The following CAMK2B variants were observed in gnomAD, a reference collection of about 807,000 sequenced individuals.
CAMK2B encodes calcium/calmodulin-dependent protein kinase type II subunit beta.
A neutral mutation model predicts 93.7 loss-of-function variants in CAMK2B; 27 were observed. The observed-to-expected ratio is 0.29, with a 90% CI of 0.21 to 0.40. The LOEUF is 0.40. CAMK2B is among the 10% of genes least tolerant of loss of function. The pLI is 1.00. For missense variants in CAMK2B, 568 were observed against 895.8 expected, an observed-to-expected ratio of 0.63 and a Z score of 4.67; for synonymous variants, 374 against 358.8, an observed-to-expected ratio of 1.04 and a Z score of -0.48.
intron 11 of CAMK2B, among the ~76,000 whole-genome samples, chr7:44,241,197 A>C (rs1194944006): frequency 6.6e-6 from 1 of 152,108 alleles, no homozygotes; most frequent in African/African-American, 2.4e-5. Flanking sequence ...CCACAAGTAG[A>C]GGGACTGCCA....
intron 11 of CAMK2B, among the ~76,000 whole-genome samples, 191 bp downstream of exon 11, chr7:44,241,508 AG>A (rs1317622986): frequency 1.3e-5 from 2 of 152,222 alleles, no homozygotes; most frequent in African/African-American, 2.4e-5. Context: ...CACCTGGCCC[AG>A]GGCCCCTCTG....
At chr7:44,269,752 C>T (rs540468508) in intron 2 of CAMK2B, among the ~76,000 whole-genome samples, 1 of 152,094 alleles carries the variant, frequency 6.6e-6, no homozygotes, top group African/African-American at 2.4e-5. Flanking sequence ...GCTGCCTCCC[C>T]CTCTCGCCCA....
chr7:44,220,276 T>C lies in CAMK2B; in HGVS notation c.1787A>G (p.Lys596Arg), dbSNP rs749296914. Reference sequence around the variant, plus strand: ...GTTCAGGATGGTCGTGTGGATCGGCTTGCTGTTCTTGGCCAGCACTGTGGA... The same window carrying C: ...GTTCAGGATGGTCGTGTGGATCGGCCTGCTGTTCTTGGCCAGCACTGTGGA... ...YFENLLAKNS[K>R]PIHTTILNPH... Residue 596 changes from lysine to arginine, a missense_variant, in exon 23 of 24, where the codon AAG (lysine) becomes AGG (arginine). This residue lies in a region of CAMK2B where 116 missense variants were observed against 188.0 expected (regional missense o/e 0.62). Coordinates refer to ENST00000395749, the MANE Select transcript of CAMK2B (RefSeq NM_001220.5). 1 of 1,612,448 alleles carries C rather than the reference T, an allele frequency of 6.2e-7. No homozygotes were observed. Among genetic ancestry groups the C allele is most frequent in the Non-Finnish European group, 8.5e-7 (1 of 1,179,764 alleles).
intron 5 of CAMK2B, among the ~76,000 whole-genome samples, chr7:44,250,953 C>T (rs2096774761): frequency 6.6e-6 from 1 of 152,260 alleles, no homozygotes; most frequent in Non-Finnish European, 1.5e-5. Context: ...GACCCTGCTT[C>T]CTCCTAAGAG....
chr7:44,308,146 T>C (rs573748236), intron 1 of CAMK2B, among the ~76,000 whole-genome samples: 4 of 152,334 alleles, frequency 2.6e-5, no homozygotes, highest in African/African-American at 9.6e-5. Flanking sequence ...CACGTTCTTG[T>C]TCTGTTCCCT....
At position 44,284,198 on chromosome 7, in the gene CAMK2B, A is replaced by G. The variant is rs1784458266; in HGVS notation, c.93T>C (p.Cys31=). Residue 31 remains cysteine, a synonymous_variant, in exon 2 of 24, where the codon TGT becomes TGC. Coordinates refer to ENST00000395749, the MANE Select transcript of CAMK2B (RefSeq NM_001220.5). ...GKGAFSVVRR[C]VKLCTGHEYA... ...ACTCATGGCCGGTGCAGAGCTTGAC[A>G]CAGCGTCGGACCACAGAGAAAGCCC... The G allele has an allele frequency of 6.2e-7, 1 of 1,613,486 alleles. No individual in the cohort carries two copies. Among genetic ancestry groups the G allele is most frequent in the African/African-American group, 1.3e-5 (1 of 74,902 alleles).
intron 5 of CAMK2B, among the ~76,000 whole-genome samples, chr7:44,252,207 A>G (rs1240855624): frequency 1.3e-5 from 2 of 151,980 alleles, no homozygotes; most frequent in Admixed American, 1.3e-4. Context: ...CTTCACCCCC[A>G]TGGCTGGAGT....
chr7:44,240,855 G>A lies in CAMK2B; in HGVS notation c.904-106C>T, dbSNP rs902386496. The A allele has an allele frequency of 3.4e-6, 4 of 1,182,998 alleles. No homozygotes were observed. The African/African-American group carries it at 6.1e-5, about 18-fold the overall frequency. 73.3% of individuals were successfully genotyped at this position (1,182,998 alleles called of 1,614,324 possible). A position where few individuals can be genotyped will look rare whatever the true frequency, so the allele number is the denominator to read the frequency against. On this transcript the variant is annotated intron_variant, in intron 11 of 23. Coordinates refer to ENST00000395749, the MANE Select transcript of CAMK2B (RefSeq NM_001220.5). ...TCCTGCCCAGATGCTCAGCCTCATT[G>A]TCATGAGGCTGACATGACCTCAGCC...
At position 44,278,550 on chromosome 7, in the gene CAMK2B, TC is replaced by T. The variant is rs200080093; in HGVS notation, c.160+5580del. Among the ~76,000 whole-genome samples the T allele has an allele frequency of 5.9e-3, 895 of 152,130 alleles. 6 individuals carry two copies. The highest frequency in any genetic ancestry group is 0.02 in the African/African-American group (837 of 41,504). ...AAGGGCCTGGGAGGGTTGGGGAACC[TC>T]AGGTCCCCGCATGGGGGAGGCAGCC... On this transcript the variant is annotated intron_variant, in intron 2 of 23. Coordinates refer to ENST00000395749, the MANE Select transcript of CAMK2B (RefSeq NM_001220.5).
intron 20 of CAMK2B, 153 bp from the exon 21 acceptor site, chr7:44,221,054 C>A (rs140610273): frequency 1.5e-5 from 9 of 610,526 alleles, no homozygotes; most frequent in East Asian, 2.8e-5. Context: ...CGCCGCCCCC[C>A]CTGCATCACC....
At chr7:44,299,963 T>C (rs1457288777) in intron 1 of CAMK2B, among the ~76,000 whole-genome samples, 1 of 152,030 alleles carries the variant, frequency 6.6e-6, no homozygotes, top group Non-Finnish European at 1.5e-5. Flanking sequence ...ATGCTAACAA[T>C]AATTAAAATA....
chr7:44,315,312 C>T (rs7777780), intron 1 of CAMK2B, among the ~76,000 whole-genome samples: 2,821 of 152,236 alleles, frequency 0.019, 89 homozygotes, highest in African/African-American at 0.064. Flanking sequence ...CTCAATTGTC[C>T]ATTTGTTGAA....
intron 1 of CAMK2B, among the ~76,000 whole-genome samples, chr7:44,303,373 A>AC (rs1790626034): frequency 6.6e-6 from 1 of 152,310 alleles, no homozygotes; most frequent in African/African-American, 2.4e-5. Context: ...AAATACCGGC[A>AC]AGTTATTTTG....
intron 12 of CAMK2B, 86 bp from the exon 13 acceptor site, chr7:44,239,749 C>T: frequency 1.1e-6 from 1 of 917,926 alleles, no homozygotes; most frequent in East Asian, 2.7e-5. Flanking sequence ...AGAAAAGAGA[C>T]AAAGGAAGCA....
intron 5 of CAMK2B, among the ~76,000 whole-genome samples, chr7:44,252,829 T>C (rs939622634): frequency 2.0e-5 from 3 of 152,228 alleles, no homozygotes; most frequent in African/African-American, 7.2e-5. Flanking sequence ...CCGTTCCACT[T>C]TCTACTTGTC....
intron 5 of CAMK2B, 108 bp downstream of exon 5, chr7:44,254,434 A>T: frequency 1.2e-6 from 1 of 805,846 alleles, no homozygotes. Flanking sequence ...GTGAGCAGGG[A>T]TGCTCAGCAC....
intron 1 of CAMK2B, among the ~76,000 whole-genome samples, chr7:44,308,427 G>T (rs1430661055): frequency 2.0e-5 from 3 of 152,022 alleles, no homozygotes; most frequent in Admixed American, 2.0e-4. Flanking sequence ...CTGCTCCTGG[G>T]TCCCCATCCC....
upstream of CAMK2B, chr7:44,325,722 T>G (rs1438474751): frequency 1.1e-4 from 5 of 45,278 alleles, no homozygotes; most frequent in Non-Finnish European, 2.0e-4. Flanking sequence ...CCCCGCGCCC[T>G]GCACACGCTG....
chr7:44,263,151 G>A, intron 2 of CAMK2B, 87 bp from the exon 3 acceptor site: 1 of 1,258,704 alleles, frequency 7.9e-7, no homozygotes, highest in Admixed American at 1.9e-5. Context: ...GCCCACAAGG[G>A]TGTGCCAGGG....
Sources: allele counts gnomAD v4.1 joint callset (sites outside exome capture counted in the v4.1 genomes callset), GRCh38; gene constraint gnomAD v4.1.1; regional missense constraint gnomAD v4.1.1; transcripts MANE v1.5; gene names NCBI Gene and HGNC (gene_info 2026-07-23, HGNC 2026-07-21).